SDK1: variants seen among roughly 807,000 people sequenced by gnomAD.
The protein encoded by SDK1 is sidekick cell adhesion molecule 1, also known as protein sidekick-1.
In SDK1, 157 loss-of-function variants were observed where a neutral mutation model predicts 245.5. That is an observed-to-expected ratio of 0.64 (90% CI 0.56 to 0.73). The LOEUF is 0.73. Ranked by LOEUF, SDK1 falls within the 30% of genes least tolerant of loss-of-function variation. The probability of loss-of-function intolerance (pLI) is 0.00; values close to 1 mark genes in which losing one functional copy is unlikely to be tolerated. For missense variants in SDK1, 3,583 were observed against 3,002.3 expected (o/e 1.19, Z -4.52); for synonymous variants, 1,647 against 1,278.5 (o/e 1.29, Z -6.15).
intron 5 of SDK1, among the ~76,000 whole-genome samples, chr7:3,892,460 C>A (rs548602417): frequency 5.9e-5 from 9 of 152,332 alleles, no homozygotes; most frequent in Middle Eastern, 3.4e-3. Flanking sequence ...TCTGCTGGGA[C>A]CTGGCAGCCG....
rs193213964 is a variant in SDK1 at position 3,709,109 on chromosome 7, T to G, written c.713+67004T>G. ...TTGTTTCAGAATTCAGAACTCCTTT[T>G]AGCATTTCTTGTAGGGCTGGCCTGG... On this transcript the variant is annotated intron_variant, in intron 4 of 44. Transcript: ENST00000404826. Among the ~76,000 whole-genome samples the G allele has an allele frequency of 3.5e-3, 540 of 152,364 alleles. 4 individuals carry two copies. Among genetic ancestry groups the G allele is most frequent in the South Asian group, 0.018 (86 of 4,828 alleles).
chr7:3,579,272 A>T (rs1167483983), intron 1 of SDK1, among the ~76,000 whole-genome samples: 6 of 149,754 alleles, frequency 4.0e-5, no homozygotes, highest in Non-Finnish European at 7.5e-5. Flanking sequence ...GTTGATGGAA[A>T]TATCTGCAAC....
At chr7:3,409,851 C>G (rs1779151554) in intron 1 of SDK1, among the ~76,000 whole-genome samples, 1 of 152,108 alleles carries the variant, frequency 6.6e-6, no homozygotes, top group South Asian at 2.1e-4. Flanking sequence ...TTGTGGAACT[C>G]TCCTAGCAGA....
chr7:3,537,127 A>G lies in SDK1; in HGVS notation c.299-81953A>G, dbSNP rs543283852. On this transcript the variant is annotated intron_variant, in intron 1 of 44. Transcript: ENST00000404826. Reference sequence around the variant, plus strand: ...CCTTAAATCCCTGTTATCCCTCTTAAATCAGTCCATTCCCTCTTCGCAGAC... The same window carrying G: ...CCTTAAATCCCTGTTATCCCTCTTAGATCAGTCCATTCCCTCTTCGCAGAC... Among the ~76,000 whole-genome samples the G allele has an allele frequency of 2.1e-3, 327 of 152,264 alleles. 2 individuals carry two copies. Among genetic ancestry groups the G allele is most frequent in the African/African-American group, 7.4e-3 (309 of 41,536 alleles).
At chr7:3,693,237 C>G (rs1300143531) in intron 4 of SDK1, among the ~76,000 whole-genome samples, 1 of 152,032 alleles carries the variant, frequency 6.6e-6, no homozygotes, top group African/African-American at 2.4e-5. Context: ...TTCATTATCT[C>G]TGTTCTTTTG....
intron 1 of SDK1, among the ~76,000 whole-genome samples, chr7:3,507,472 C>T (rs1037219362): frequency 6.6e-6 from 1 of 152,166 alleles, no homozygotes; most frequent in African/African-American, 2.4e-5. Context: ...AGTCTAGTGT[C>T]AGGAAACCAT....
chr7:3,773,717 G>C (rs1461164199), intron 4 of SDK1, among the ~76,000 whole-genome samples: 1 of 152,108 alleles, frequency 6.6e-6, no homozygotes, highest in Non-Finnish European at 1.5e-5. Flanking sequence ...TGTTTTGCTG[G>C]TTGTTGTAGG....
intron 1 of SDK1, among the ~76,000 whole-genome samples, chr7:3,373,485 T>G (rs150110055): frequency 6.6e-6 from 1 of 152,306 alleles, no homozygotes; most frequent in East Asian, 1.9e-4. Flanking sequence ...AGAAAATCCC[T>G]TAGTAAAAGG....
intron 4 of SDK1, among the ~76,000 whole-genome samples, chr7:3,660,081 C>T (rs528057811): frequency 2.0e-5 from 3 of 151,992 alleles, no homozygotes; most frequent in East Asian, 1.9e-4. Flanking sequence ...AAGATCAGAC[C>T]GGAGACAGAA....
intron 5 of SDK1, among the ~76,000 whole-genome samples, chr7:3,941,385 C>G (rs1054551119): frequency 6.6e-6 from 1 of 152,110 alleles, no homozygotes; most frequent in Non-Finnish European, 1.5e-5. Context: ...TCTCCATTCC[C>G]TGATGGATCA....
At chr7:3,971,366 C>CG in intron 11 of SDK1, 100 bp from the exon 12 acceptor site, 1 of 766,370 alleles carries the variant, frequency 1.3e-6, no homozygotes, top group East Asian at 2.7e-5. Flanking sequence ...AGAGAAAACT[C>CG]GGAGGTTGTG....
chr7:3,980,369 T>C (rs1783307346), intron 13 of SDK1, among the ~76,000 whole-genome samples: 1 of 152,214 alleles, frequency 6.6e-6, no homozygotes, highest in Non-Finnish European at 1.5e-5. Context: ...CCCTATTCTC[T>C]TTCAATTACA....
At chr7:3,323,003 T>C (rs1779854951) in intron 1 of SDK1, among the ~76,000 whole-genome samples, 1 of 152,120 alleles carries the variant, frequency 6.6e-6, no homozygotes, top group African/African-American at 2.4e-5. Context: ...TGTTTTGCCA[T>C]GTTGCCGAGG....
At chr7:3,638,029 A>G (rs1782523154) in intron 2 of SDK1, among the ~76,000 whole-genome samples, 1 of 152,274 alleles carries the variant, frequency 6.6e-6, no homozygotes, top group African/African-American at 2.4e-5. Context: ...AGAGAGAATT[A>G]TAAACGATTT....
chr7:4,095,576 T>C (rs1230617560), intron 22 of SDK1, among the ~76,000 whole-genome samples: 2 of 152,156 alleles, frequency 1.3e-5, no homozygotes, highest in Non-Finnish European at 2.9e-5. Context: ...TTTATTTATT[T>C]ATTTATTTTT....
chr7:3,425,115 CT>C (rs3086058), intron 1 of SDK1, among the ~76,000 whole-genome samples: 24,222 of 144,518 alleles, frequency 0.17, 2,002 homozygotes, highest in South Asian at 0.23. Context: ...CAGTTGCCAG[CT>C]TTTTTTTTTT....
chr7:3,602,302 A>G (rs1273293758), intron 1 of SDK1, among the ~76,000 whole-genome samples: 2 of 151,028 alleles, frequency 1.3e-5, no homozygotes, highest in African/African-American at 2.4e-5. Context: ...CAACAGTGTA[A>G]AAGTGTTCCT....
At chr7:3,879,514 G>A (rs976669023) in intron 5 of SDK1, among the ~76,000 whole-genome samples, 1 of 152,134 alleles carries the variant, frequency 6.6e-6, no homozygotes, top group Admixed American at 6.5e-5. Flanking sequence ...CTTTTCAAGG[G>A]GCCAGGCTGT....
At chr7:3,917,885 C>T (rs777709338) in intron 5 of SDK1, among the ~76,000 whole-genome samples, 1 of 152,164 alleles carries the variant, frequency 6.6e-6, no homozygotes, top group Non-Finnish European at 1.5e-5. Flanking sequence ...CTCAAGGTTT[C>T]TGGTCTCCAT....
Sources: allele counts gnomAD v4.1 joint callset (sites outside exome capture counted in the v4.1 genomes callset), GRCh38; gene constraint gnomAD v4.1.1; transcripts MANE v1.5; gene names NCBI Gene and HGNC (gene_info 2026-07-23, HGNC 2026-07-21).